Variants in XPR1 observed in about 807,000 individuals in gnomAD.
XPR1 encodes the protein solute carrier family 53 member 1.
In XPR1, 28 loss-of-function variants were observed where a neutral mutation model predicts 87.5. The ratio of observed to expected loss-of-function variants is 0.32; its 90% CI spans 0.24 to 0.44. The LOEUF (loss-of-function observed/expected upper bound fraction) is 0.44. XPR1 is among the 20% of genes least tolerant of loss of function. XPR1 has a pLI of 1.00. For synonymous variants in XPR1, 300 were observed against 306.1 expected (o/e 0.98, Z 0.21); for missense variants, 559 against 862.3 (o/e 0.65, Z 4.41).
At chr1:180,815,738 T>C (rs1477415185) in intron 7 of XPR1, among the ~76,000 whole-genome samples, 1 of 152,168 alleles carries the variant, frequency 6.6e-6, no homozygotes, top group Non-Finnish European at 1.5e-5. Context: ...CAGTATACCA[T>C]ATTTCACTTA....
chr1:180,846,955 C>T (rs1227749317), intron 11 of XPR1, among the ~76,000 whole-genome samples: 2 of 151,972 alleles, frequency 1.3e-5, no homozygotes, highest in Non-Finnish European at 2.9e-5. Context: ...ACTTGTTCCT[C>T]TCCTGTGGGC....
chr1:180,646,808 G>A (rs1655134959), intron 1 of XPR1, among the ~76,000 whole-genome samples: 1 of 152,116 alleles, frequency 6.6e-6, no homozygotes, highest in South Asian at 2.1e-4. Flanking sequence ...GGCCATGCAT[G>A]GACTGAAATA....
chr1:180,718,910 G>C (rs951469636), intron 2 of XPR1, among the ~76,000 whole-genome samples: 1 of 151,968 alleles, frequency 6.6e-6, no homozygotes, highest in Non-Finnish European at 1.5e-5. Context: ...CTCATGATCC[G>C]CCCACCTTGG....
intron 2 of XPR1, among the ~76,000 whole-genome samples, chr1:180,698,177 A>G (rs1208079391): frequency 6.6e-6 from 1 of 152,102 alleles, no homozygotes; most frequent in African/African-American, 2.4e-5. Flanking sequence ...TTTTTTTATC[A>G]TTATTTAATG....
intron 7 of XPR1, among the ~76,000 whole-genome samples, chr1:180,816,849 ACTC>A (rs1650429172): frequency 6.6e-6 from 1 of 152,194 alleles, no homozygotes; most frequent in Non-Finnish European, 1.5e-5. Flanking sequence ...TTTAGAGTGA[ACTC>A]CTCCTACTTA....
chr1:180,751,458 A>G (rs1358318730), intron 2 of XPR1, among the ~76,000 whole-genome samples: 1 of 152,054 alleles, frequency 6.6e-6, no homozygotes, highest in Non-Finnish European at 1.5e-5. Context: ...ATTAGAAAAT[A>G]TGGGTTTCTG....
Position 180,762,268 on chromosome 1 carries a change from T to TAAC in XPR1, c.122-25483_122-25482insCAA, listed in dbSNP as rs1648069888. On this transcript the variant is annotated intron_variant, in intron 2 of 14. Coordinates refer to ENST00000367590, the MANE Select transcript of XPR1 (RefSeq NM_004736.4). ...CACATGTACCCTAAAACTTAAAGTA[T>TAAC]AATAATAATAAATAAAAAGAAAGGT... Among the ~76,000 whole-genome samples, 6 of 152,056 alleles carry TAAC rather than the reference T, an allele frequency of 3.9e-5. No homozygotes were observed. The South Asian group carries it at 1.0e-3, about 26-fold the overall frequency.
chr1:180,724,179 A>G (rs1242396959), intron 2 of XPR1, among the ~76,000 whole-genome samples: 1 of 152,192 alleles, frequency 6.6e-6, no homozygotes, highest in Non-Finnish European at 1.5e-5. Context: ...AAGTGCTGTC[A>G]GAATAAAAAG....
chr1:180,689,855 T>C (rs1209404916), intron 2 of XPR1, among the ~76,000 whole-genome samples: 1 of 152,176 alleles, frequency 6.6e-6, no homozygotes, highest in African/African-American at 2.4e-5. Context: ...AAAACTATTC[T>C]AAGGTTAAAA....
intron 4 of XPR1, among the ~76,000 whole-genome samples, chr1:180,804,884 A>G (rs114279323): frequency 2.0e-5 from 3 of 152,162 alleles, no homozygotes; most frequent in African/African-American, 7.2e-5. Flanking sequence ...CCTCTTTCCT[A>G]TAATGGTATA....
At chr1:180,733,931 G>A (rs1216208013) in intron 2 of XPR1, among the ~76,000 whole-genome samples, 2 of 152,076 alleles carry the variant, frequency 1.3e-5, no homozygotes, top group East Asian at 1.9e-4. Flanking sequence ...AATGCTTTAC[G>A]TACATAATTT....
In XPR1 at chr1:180,810,777, GTA is replaced by G. The variant is rs961494562; in HGVS notation, c.682-620_682-619del. On this transcript the variant is annotated intron_variant, in intron 6 of 14. Transcript: ENST00000367590. ...TCTCTCCTATTTACAAAACTCATAT[GTA>G]TATATATATGTGTATATATGTATAT... is the stretch of plus-strand genomic sequence containing the variant. Among the ~76,000 whole-genome samples, 54 of 151,012 alleles carry G rather than the reference GTA, an allele frequency of 3.6e-4. 1 individual carries two copies. The highest frequency in any genetic ancestry group is 1.2e-3 in the African/African-American group (49 of 41,180).
At chr1:180,808,149 T>A (rs186996509) in intron 6 of XPR1, among the ~76,000 whole-genome samples, 35 of 152,238 alleles carry the variant, frequency 2.3e-4, no homozygotes, top group Admixed American at 2.3e-3. Context: ...AGGCAAATGA[T>A]CAATGGACCA....
At chr1:180,732,206 AAAAAG>A (rs1167171641) in intron 2 of XPR1, among the ~76,000 whole-genome samples, 3 of 151,814 alleles carry the variant, frequency 2.0e-5, no homozygotes, top group African/African-American at 7.3e-5. Context: ...AAAAAAAAAA[AAAAAG>A]AAGTAAAATA....
intron 4 of XPR1, 93 bp from the exon 5 acceptor site, chr1:180,805,969 C>A: frequency 7.4e-7 from 1 of 1,359,948 alleles, no homozygotes; most frequent in Non-Finnish European, 9.9e-7. Flanking sequence ...TAATCTTTGT[C>A]CAGCCAGCTC....
chr1:180,753,011 A>C (rs1485332623), intron 2 of XPR1, among the ~76,000 whole-genome samples: 1 of 152,240 alleles, frequency 6.6e-6, no homozygotes, highest in African/African-American at 2.4e-5. Flanking sequence ...ATAAGAGCAG[A>C]AGATCGTTTA....
chr1:180,714,257 T>TTTC (rs1553240187), intron 2 of XPR1, among the ~76,000 whole-genome samples: 4 of 151,082 alleles, frequency 2.6e-5, no homozygotes, highest in Non-Finnish European at 5.9e-5. Flanking sequence ...TTCTCATCCT[T>TTTC]CTCTAGCATC....
chr1:180,750,129 T>G (rs988989859), intron 2 of XPR1, among the ~76,000 whole-genome samples: 2 of 152,220 alleles, frequency 1.3e-5, no homozygotes, highest in Admixed American at 1.3e-4. Context: ...TTTTTGCTTT[T>G]AATTTGGAAA....
intron 2 of XPR1, among the ~76,000 whole-genome samples, chr1:180,742,505 A>G (rs192266268): frequency 2.6e-5 from 4 of 152,256 alleles, no homozygotes; most frequent in South Asian, 4.1e-4. Context: ...CATAATTTCA[A>G]TTCTTTTAAA....
Sources: gnomAD v4.1 joint callset for allele counts (sites outside exome capture counted in the v4.1 genomes callset) on GRCh38, gnomAD v4.1.1 for gene constraint, MANE v1.5 for transcripts, NCBI Gene and HGNC (gene_info 2026-07-23, HGNC 2026-07-21) for gene names.